ZNF385D: variants seen among roughly 807,000 people sequenced by gnomAD.
ZNF385D encodes the protein zinc finger protein 659.
ZNF385D carries 15 observed loss-of-function variants against 35.8 expected under a neutral mutation model. That is an observed-to-expected ratio of 0.42 (90% confidence interval 0.28 to 0.64). The LOEUF (loss-of-function observed/expected upper bound fraction) is 0.64. ZNF385D is among the 30% of genes least tolerant of loss of function. The pLI is 0.23. For synonymous variants in ZNF385D, 212 were observed against 186.8 expected (o/e 1.13, Z -1.10); for missense variants, 474 against 494.6 (o/e 0.96, Z 0.39).
At position 22,345,862 on chromosome 3, in the gene ZNF385D, T is replaced by C. The variant is rs141388501; in HGVS notation, c.106+26588A>G. ...GCAATGACTGGTCAACATGAAGGTA[T>C]AAAGTCTGCACTCTTGCCCAAGTCA... On this transcript the variant is annotated intron_variant, in intron 2 of 5. Transcript: ENST00000494108. Among the ~76,000 whole-genome samples, 349 of 152,316 alleles carry C rather than the reference T, an allele frequency of 2.3e-3. 5 individuals are homozygous for C. The highest frequency in any genetic ancestry group is 7.8e-3 in the African/African-American group (325 of 41,590).
At chr3:22,127,317 C>CTTT (rs71044975) in intron 3 of ZNF385D, among the ~76,000 whole-genome samples, 2 of 56,334 alleles carry the variant, frequency 3.6e-5, no homozygotes, top group Non-Finnish European at 3.3e-5. Context: ...TCATTTCCTG[C>CTTT]TTTTTTTTTT....
At chr3:22,198,757 T>C (rs1278898495) in intron 2 of ZNF385D, among the ~76,000 whole-genome samples, 1 of 152,082 alleles carries the variant, frequency 6.6e-6, no homozygotes, top group African/African-American at 2.4e-5. Flanking sequence ...ATTAAACAAC[T>C]GAGTAAACAA....
chr3:22,202,781 GGGCA>G (rs1696889111), intron 2 of ZNF385D, among the ~76,000 whole-genome samples: 1 of 152,076 alleles, frequency 6.6e-6, no homozygotes, highest in Non-Finnish European at 1.5e-5. Flanking sequence ...GACTTTGCAT[GGGCA>G]GGCTGTGCTC....
At chr3:22,216,430 C>A (rs1252499861) in intron 2 of ZNF385D, among the ~76,000 whole-genome samples, 1 of 151,930 alleles carries the variant, frequency 6.6e-6, no homozygotes, top group Non-Finnish European at 1.5e-5. Context: ...GGAAACATTC[C>A]ATGATGGCAG....
chr3:21,950,727 G>C (rs1440796306), intron 3 of ZNF385D, among the ~76,000 whole-genome samples: 1 of 151,638 alleles, frequency 6.6e-6, no homozygotes, highest in African/African-American at 2.4e-5. Flanking sequence ...TTTTGCATAA[G>C]GTGTAAGGAA....
intron 3 of ZNF385D, among the ~76,000 whole-genome samples, chr3:22,085,958 A>G (rs1053825580): frequency 7.9e-5 from 12 of 152,174 alleles, no homozygotes; most frequent in Admixed American, 7.9e-4. Flanking sequence ...AGAAACCACG[A>G]TTATCTCAAT....
At chr3:21,990,833 C>G (rs1695107931) in intron 3 of ZNF385D, among the ~76,000 whole-genome samples, 2 of 152,170 alleles carry the variant, frequency 1.3e-5, no homozygotes, top group Admixed American at 1.3e-4. Context: ...AACTGTATAG[C>G]TTGGATTTCC....
chr3:21,717,048 G>A (rs554733138), intron 1 of ZNF385D, among the ~76,000 whole-genome samples: 9 of 152,208 alleles, frequency 5.9e-5, no homozygotes, highest in East Asian at 5.8e-4. Flanking sequence ...CAGGAGAATC[G>A]CTTGAACCTG....
intron 3 of ZNF385D, among the ~76,000 whole-genome samples, chr3:21,538,758 T>G (rs539875008): frequency 1.9e-4 from 29 of 152,146 alleles, no homozygotes; most frequent in African/African-American, 7.0e-4. Flanking sequence ...GGTTGGGGCA[T>G]GGAGGGGGGA....
At chr3:21,954,003 A>C (rs1263507397) in intron 3 of ZNF385D, among the ~76,000 whole-genome samples, 1 of 152,062 alleles carries the variant, frequency 6.6e-6, no homozygotes, top group African/African-American at 2.4e-5. Context: ...AAAGAGAAAA[A>C]CAAGGAAAAG....
intron 2 of ZNF385D, among the ~76,000 whole-genome samples, chr3:22,200,516 T>TCACAGTAC (rs1250489398): frequency 3.5e-4 from 53 of 152,172 alleles, no homozygotes; most frequent in Middle Eastern, 6.8e-3. Flanking sequence ...CAGGGCAAGA[T>TCACAGTAC]CACAGTACCA....
chr3:21,625,274 G>C (rs560250786), intron 2 of ZNF385D, among the ~76,000 whole-genome samples: 2 of 151,914 alleles, frequency 1.3e-5, no homozygotes, highest in African/African-American at 4.8e-5. Flanking sequence ...GGCATTTTAC[G>C]TGCTTTTGCC....
intron 3 of ZNF385D, among the ~76,000 whole-genome samples, chr3:21,904,996 G>A (rs1166933112): frequency 6.6e-6 from 1 of 151,656 alleles, no homozygotes; most frequent in Non-Finnish European, 1.5e-5. Context: ...AATAAACTAC[G>A]ATTCATCTCA....
intron 3 of ZNF385D, among the ~76,000 whole-genome samples, chr3:21,923,108 T>G (rs184241920): frequency 7.0e-4 from 106 of 152,298 alleles, no homozygotes; most frequent in Admixed American, 1.2e-3. Context: ...TATGTACACA[T>G]GTGCCATGTT....
At chr3:21,868,291 A>G (rs1697487667) in intron 3 of ZNF385D, among the ~76,000 whole-genome samples, 2 of 152,152 alleles carry the variant, frequency 1.3e-5, no homozygotes, top group Non-Finnish European at 2.9e-5. Context: ...TATATTTACA[A>G]AAGAGGCAAC....
chr3:22,127,317 C>CCTTTTTTTTTTT (rs1703492425), intron 3 of ZNF385D, among the ~76,000 whole-genome samples: 4 of 56,308 alleles, frequency 7.1e-5, no homozygotes, highest in African/African-American at 3.1e-4. Context: ...TCATTTCCTG[C>CCTTTTTTTTTTT]TTTTTTTTTT....
intron 3 of ZNF385D, among the ~76,000 whole-genome samples, chr3:21,997,864 CGCGCGCGCGTGTGTGTGT>C (rs769885063): frequency 8.5e-5 from 9 of 105,978 alleles, no homozygotes; most frequent in South Asian, 3.5e-4. Flanking sequence ...TTGGCGCGCG[CGCGCGCGCGTGTGTGTGT>C]GTGTGTGTGT....
chr3:21,568,395 A>G (rs954166955), intron 2 of ZNF385D, among the ~76,000 whole-genome samples: 2 of 152,202 alleles, frequency 1.3e-5, no homozygotes, highest in Admixed American at 1.3e-4. Context: ...ATTTACTATT[A>G]TAATCAAATA....
chr3:22,044,518 G>A (rs746866946), intron 3 of ZNF385D, among the ~76,000 whole-genome samples: 3 of 152,078 alleles, frequency 2.0e-5, no homozygotes, highest in African/African-American at 4.8e-5. Flanking sequence ...ATACTGAGAA[G>A]AGCAATTTTT....
Sources: gnomAD v4.1 joint callset for allele counts (sites outside exome capture counted in the v4.1 genomes callset) on GRCh38, gnomAD v4.1.1 for gene constraint, MANE v1.5 for transcripts, NCBI Gene and HGNC (gene_info 2026-07-23, HGNC 2026-07-21) for gene names.